The following STK11 variants were observed in gnomAD, a reference collection of about 807,000 sequenced individuals.
The protein encoded by STK11 is serine/threonine-protein kinase STK11.
In STK11, 8 loss-of-function variants were observed where a neutral mutation model predicts 47.3. That is an observed-to-expected ratio of 0.17 (90% CI 0.10 to 0.31). STK11 has a LOEUF of 0.31. STK11 is among the 10% of genes least tolerant of loss of function. STK11 has a pLI of 1.00. For synonymous variants in STK11, 330 were observed against 255.8 expected (o/e 1.29, Z -2.77); for missense variants, 475 against 605.0 (o/e 0.79, Z 2.25).
intron 1 of STK11, among the ~76,000 whole-genome samples, chr19:1,217,558 G>A (rs1439273887): frequency 6.6e-6 from 1 of 152,016 alleles, no homozygotes; most frequent in Non-Finnish European, 1.5e-5. Context: ...ACAGGCAGGT[G>A]GGCGTGGCCA....
chr19:1,207,348 C>A, intron 1 of STK11, 145 bp downstream of exon 1: 3 of 1,172,048 alleles, frequency 2.6e-6, no homozygotes, highest in Non-Finnish European at 3.6e-6. Flanking sequence ...GTCCTCCGTG[C>A]CAGGGAGAGC....
Position 1,227,924 on chromosome 19 carries a change from C to T in STK11, c.*348C>T. The T allele has an allele frequency of 6.5e-6, 7 of 1,070,326 alleles. No individual in the cohort carries two copies. The highest frequency in any genetic ancestry group is 7.9e-6 in the Non-Finnish European group (7 of 882,336). 66.3% of individuals were successfully genotyped at this position (1,070,326 alleles called of 1,614,324 possible). ...CTCGTGCTCCGCAGGGCGCCCAGCGCCGTCCGGCGGCCCCGCCGCAGACCA... is the reference window on the plus strand; with the variant it reads ...CTCGTGCTCCGCAGGGCGCCCAGCGTCGTCCGGCGGCCCCGCCGCAGACCA... On this transcript the variant is annotated 3_prime_UTR_variant, in exon 10 of 10. Coordinates refer to ENST00000326873, the MANE Select transcript of STK11 (RefSeq NM_000455.5).
Position 1,227,874 on chromosome 19 carries a change from G to A in STK11, c.*298G>A. 1.9e-6 allele frequency: 2 copies of A among 1,069,472 alleles called. No homozygotes were observed. The highest frequency in any genetic ancestry group is 1.1e-6 in the Non-Finnish European group (1 of 881,882). 66.2% of individuals were successfully genotyped at this position (1,069,472 alleles called of 1,614,324 possible). On this transcript the variant is annotated 3_prime_UTR_variant, in exon 10 of 10. Transcript: ENST00000326873. ...GAGGCGGCCTCCATGCACTTTATGT[G>A]GAGACTACTGGCCCCGCCCGTGGCC...
rs1461318471 is a variant in STK11 at position 1,228,232 on chromosome 19, C to G, written c.*656C>G. 1 of 699,510 alleles carries G rather than the reference C, an allele frequency of 1.4e-6. No individual in the cohort carries two copies. The highest frequency in any genetic ancestry group is 1.8e-6 in the Non-Finnish European group (1 of 545,664). 43.3% of individuals were successfully genotyped at this position (699,510 alleles called of 1,614,324 possible). ...GCCGGAGGGCAGGACCCTCACCTCT[C>G]CCCCAAGGCCACTGCGCTCTTGGGA... is the stretch of plus-strand genomic sequence containing the variant. On this transcript the variant is annotated 3_prime_UTR_variant, in exon 10 of 10. Coordinates refer to ENST00000326873, the MANE Select transcript of STK11 (RefSeq NM_000455.5).
At chr19:1,225,773 G>C (rs1057131823) in intron 8 of STK11, 1 of 985,584 alleles carries the variant, frequency 1.0e-6, no homozygotes, top group Non-Finnish European at 1.2e-6. Flanking sequence ...CAGTGTGTTC[G>C]CGGAGTCCTC....
intron 5 of STK11, 136 bp downstream of exon 5, chr19:1,220,853 G>A (rs572322889): frequency 2.2e-6 from 3 of 1,348,408 alleles, no homozygotes; most frequent in South Asian, 3.0e-5. Context: ...GCTAGGGGGT[G>A]CTTACTTTAT....
chr19:1,224,717 T>C, intron 8 of STK11: 7 of 985,668 alleles, frequency 7.1e-6, no homozygotes, highest in Non-Finnish European at 8.4e-6. Context: ...GAGCAGGGGC[T>C]GGGCCACCTT....
rs1478706815 is a variant in STK11, at chr19:1,218,380, T to G, written c.291-37T>G. 3.8e-6 allele frequency: 6 copies of G among 1,563,718 alleles called. No homozygotes were observed. The South Asian group carries it at 6.7e-5, about 17-fold the overall frequency. ...GGGATCCAGGCCATCATCCTGACGT[T>G]GGGTCGGCTGATACACCCCTGTCCT... On this transcript the variant is annotated intron_variant, in intron 1 of 9. Coordinates refer to ENST00000326873, the MANE Select transcript of STK11 (RefSeq NM_000455.5).
chr19:1,207,225 C>T lies in STK11; in HGVS notation c.290+22C>T, dbSNP rs371255627. ...AGAAGTAAGTATGGCTTGCTGGGGT[C>T]GGGGCCGGGCCGGGCCAGTCACGGT... On this transcript the variant is annotated intron_variant, in intron 1 of 9. Coordinates refer to ENST00000326873, the MANE Select transcript of STK11 (RefSeq NM_000455.5). 4.1e-5 allele frequency: 65 copies of T among 1,579,774 alleles called. 1 individual carries two copies. The African/African-American group carries it at 8.5e-4, about 21-fold the overall frequency.
intron 7 of STK11, among the ~76,000 whole-genome samples, chr19:1,222,316 C>T (rs1249867250): frequency 6.6e-6 from 1 of 152,230 alleles, no homozygotes; most frequent in Non-Finnish European, 1.5e-5. Flanking sequence ...CTCTCTTTTT[C>T]CCCTCCTCCT....
chr19:1,219,261 C>T (rs977331055), intron 2 of STK11, 63 bp from the exon 3 acceptor site: 16 of 1,537,434 alleles, frequency 1.0e-5, no homozygotes, highest in Non-Finnish European at 1.4e-5. Context: ...CTTTTCTGGC[C>T]CCCGTGCTCC....
intron 9 of STK11, 197 bp downstream of exon 9, chr19:1,226,860 C>T (rs914694384): frequency 3.1e-5 from 20 of 648,938 alleles, no homozygotes; most frequent in Non-Finnish European, 3.7e-5. Flanking sequence ...GTCTGGCCAG[C>T]GTGCTGGTCA....
rs1296951582 is a variant in STK11, at chr19:1,226,680, C to G, written c.*16+17C>G. The G allele has an allele frequency of 2.0e-6, 3 of 1,479,706 alleles. No individual in the cohort carries two copies. The highest frequency in any genetic ancestry group is 2.7e-6 in the Non-Finnish European group (3 of 1,120,618). 91.7% of individuals were successfully genotyped at this position (1,479,706 alleles called of 1,614,324 possible). A position where few individuals can be genotyped will look rare whatever the true frequency, so the allele number is the denominator to read the frequency against. On this transcript the variant is annotated intron_variant, in intron 9 of 9. Transcript: ENST00000326873. ...CGCCTGCAGGTGGGGCGCGGCGGGG[C>G]CCGGGTGGGGCATGTGGGGACAACG...
intron 8 of STK11, chr19:1,223,859 A>T (rs1195773715): frequency 9.8e-7 from 1 of 1,021,716 alleles, no homozygotes; most frequent in African/African-American, 1.7e-5. Context: ...CCGTGTCATA[A>T]AGAGTTTTGC....
intron 6 of STK11, 146 bp from the exon 7 acceptor site, chr19:1,221,803 C>A: frequency 1.1e-6 from 1 of 877,690 alleles, no homozygotes; most frequent in South Asian, 1.6e-5. Context: ...TGGCCTCTGT[C>A]AGGGAGACCG....
intron 5 of STK11, 74 bp downstream of exon 5, chr19:1,220,791 G>T: frequency 1.3e-6 from 2 of 1,532,838 alleles, no homozygotes; most frequent in Non-Finnish European, 1.8e-6. Context: ...GCAGCTGCCG[G>T]CCTGTGGGCG....
At chr19:1,209,143 TGTG>T (rs1427330250) in intron 1 of STK11, among the ~76,000 whole-genome samples, 2 of 86,046 alleles carry the variant, frequency 2.3e-5, no homozygotes, top group Non-Finnish European at 3.0e-5. Context: ...GCCTGGTCTC[TGTG>T]AGATGGGTTG....
chr19:1,207,952 C>T (rs1599916115), intron 1 of STK11, among the ~76,000 whole-genome samples: 1 of 152,196 alleles, frequency 6.6e-6, no homozygotes, highest in Non-Finnish European at 1.5e-5. Flanking sequence ...CAGCACTGGC[C>T]GGCCTGAGCC....
At chr19:1,224,208 TG>T in intron 8 of STK11, 2 of 984,630 alleles carry the variant, frequency 2.0e-6, no homozygotes, top group Non-Finnish European at 2.4e-6. Flanking sequence ...GTACAGTGTC[TG>T]GGGGCCCCCC....
Sources: gnomAD v4.1 joint callset for allele counts (sites outside exome capture counted in the v4.1 genomes callset) on GRCh38, gnomAD v4.1.1 for gene constraint, MANE v1.5 for transcripts, NCBI Gene and HGNC (gene_info 2026-07-23, HGNC 2026-07-21) for gene names.